Variants in RABGAP1L observed in about 807,000 individuals in gnomAD.
RABGAP1L encodes the protein RAB GTPase activating protein 1 like, also known as rab GTPase-activating protein 1-like.
In RABGAP1L, 63 loss-of-function variants were observed where a neutral mutation model predicts 137.7. The ratio of observed to expected loss-of-function variants is 0.46; its 90% CI spans 0.37 to 0.56. RABGAP1L has a LOEUF of 0.56. RABGAP1L is among the 20% of genes least tolerant of loss of function. The pLI is 0.00. For missense variants in RABGAP1L, 1,095 were observed against 1,244.0 expected, an observed-to-expected ratio of 0.88 and a Z score of 1.80; for synonymous variants, 431 against 433.7, an observed-to-expected ratio of 0.99 and a Z score of 0.08.
intron 13 of RABGAP1L, among the ~76,000 whole-genome samples, chr1:174,633,669 G>C (rs28878468): frequency 0.23 from 18,225 of 79,638 alleles, 3,398 homozygotes; most frequent in African/African-American, 0.53. Flanking sequence ...CAGCATGGTA[G>C]TGGTACCAAA....
At chr1:174,772,567 C>CAAAAAA (rs60690186) in intron 18 of RABGAP1L, among the ~76,000 whole-genome samples, 16 of 53,062 alleles carry the variant, frequency 3.0e-4, no homozygotes, top group Admixed American at 8.2e-4. Context: ...GACTCCATCT[C>CAAAAAA]AAAAAAAAAA....
intron 13 of RABGAP1L, among the ~76,000 whole-genome samples, chr1:174,441,685 G>A (rs1259612419): frequency 6.6e-6 from 1 of 152,116 alleles, no homozygotes; most frequent in African/African-American, 2.4e-5. Flanking sequence ...AGTGAGCCGA[G>A]ATCATGCTAT....
chr1:174,964,986 G>A, intron 20 of RABGAP1L: 1 of 1,485,192 alleles, frequency 6.7e-7, no homozygotes, highest in Non-Finnish European at 9.0e-7. Context: ...TTTTGAGGAG[G>A]TAAGTTTTTT....
intron 13 of RABGAP1L, among the ~76,000 whole-genome samples, chr1:174,588,125 A>G (rs201055766): frequency 2.0e-5 from 3 of 151,792 alleles, no homozygotes; most frequent in East Asian, 1.9e-4. Context: ...CTCGGCTTCC[A>G]AAAGTGCTGG....
At chr1:174,471,716 A>T (rs1657956899) in intron 13 of RABGAP1L, among the ~76,000 whole-genome samples, 1 of 152,142 alleles carries the variant, frequency 6.6e-6, no homozygotes, top group Admixed American at 6.5e-5. Flanking sequence ...TTCTCTTAGG[A>T]ATCTTACTTA....
At chr1:174,683,655 C>A in intron 15 of RABGAP1L, 59 bp downstream of exon 15, 1 of 1,334,776 alleles carries the variant, frequency 7.5e-7, no homozygotes, top group East Asian at 2.3e-5. Context: ...TTACTTTCTA[C>A]TGGCTTTGTT....
chr1:174,259,440 A>G (rs979822197), intron 7 of RABGAP1L, among the ~76,000 whole-genome samples: 3 of 152,232 alleles, frequency 2.0e-5, no homozygotes, highest in Non-Finnish European at 2.9e-5. Flanking sequence ...CTATAAAATT[A>G]CTTTTTAACT....
rs932925986 is a variant in RABGAP1L, at chr1:174,994,262, T to G, written c.*4261T>G. 7.6e-5 allele frequency: 11 copies of G among 145,032 alleles called. No homozygotes were observed. Among genetic ancestry groups the G allele is most frequent in the African/African-American group, 3.2e-4 (11 of 34,420 alleles). The allele number at this position is 145,032 out of a possible 1,614,324, so 9.0% of individuals were successfully genotyped here. A position where few individuals can be genotyped will look rare whatever the true frequency, so the allele number is the denominator to read the frequency against. On this transcript the variant is annotated 3_prime_UTR_variant, in exon 26 of 26. Coordinates refer to ENST00000681986, the MANE Select transcript of RABGAP1L (RefSeq NM_001366446.1). ...CTCAATAGGAGATGCTGATCTTGAG[T>G]TGTAATGAGAAAAGTGGGCATATAG...
intron 1 of RABGAP1L, among the ~76,000 whole-genome samples, chr1:174,170,159 C>G (rs1345357337): frequency 6.6e-6 from 1 of 152,112 alleles, no homozygotes; most frequent in African/African-American, 2.4e-5. Context: ...TGATCTAGTG[C>G]TGCTGTGAAA....
At chr1:174,889,599 G>T (rs1347032657) in intron 19 of RABGAP1L, among the ~76,000 whole-genome samples, 3 of 150,530 alleles carry the variant, frequency 2.0e-5, no homozygotes, top group Admixed American at 2.0e-4. Flanking sequence ...TTTTTTGTTT[G>T]TTTTTTTTTG....
At chr1:174,862,872 G>A (rs192465895) in intron 19 of RABGAP1L, among the ~76,000 whole-genome samples, 56 of 151,338 alleles carry the variant, frequency 3.7e-4, no homozygotes. Flanking sequence ...GTATTTCTTC[G>A]GATTTCTGCA....
rs777151304 is a variant in RABGAP1L, at chr1:174,587,432, T to G, written c.1711-49943T>G. 1.2e-3 allele frequency among the ~76,000 whole-genome samples: 167 copies of G among 144,384 alleles called. 2 individuals are homozygous for G. The highest frequency in any genetic ancestry group is 2.1e-3 in the Admixed American group (30 of 14,466). 94.7% of individuals were successfully genotyped at this position (144,384 alleles called of 152,430 possible). On this transcript the variant is annotated intron_variant, in intron 13 of 25. Coordinates refer to ENST00000681986, the MANE Select transcript of RABGAP1L (RefSeq NM_001366446.1). The stretch of plus-strand genomic sequence containing the variant: ...ACATTGTGCACATGTACCCTAAAAC[T>G]TAAAGTATAATAATAATAAATAAAA...
intron 19 of RABGAP1L, among the ~76,000 whole-genome samples, chr1:174,872,485 T>A (rs1652364026): frequency 6.6e-6 from 1 of 152,088 alleles, no homozygotes; most frequent in South Asian, 2.1e-4. Context: ...CTGCTAAGAG[T>A]AGATAGAAAC....
At chr1:174,640,978 TA>T (rs200035295) in intron 14 of RABGAP1L, among the ~76,000 whole-genome samples, 4,426 of 89,966 alleles carry the variant, frequency 0.049, 94 homozygotes, top group Non-Finnish European at 0.056. Flanking sequence ...TTATATTAAT[TA>T]AATATAATTT....
At chr1:174,611,822 T>C (rs1671281424) in intron 13 of RABGAP1L, among the ~76,000 whole-genome samples, 1 of 152,224 alleles carries the variant, frequency 6.6e-6, no homozygotes, top group Non-Finnish European at 1.5e-5. Context: ...GAAGCAATTG[T>C]GAATGGGAGT....
intron 14 of RABGAP1L, among the ~76,000 whole-genome samples, chr1:174,678,516 T>G (rs945736568): frequency 6.6e-6 from 1 of 151,944 alleles, no homozygotes; most frequent in Non-Finnish European, 1.5e-5. Flanking sequence ...TAAAGGATAA[T>G]AACTCTTGAC....
At chr1:174,873,767 C>T (rs1652601628) in intron 19 of RABGAP1L, among the ~76,000 whole-genome samples, 1 of 152,086 alleles carries the variant, frequency 6.6e-6, no homozygotes, top group South Asian at 2.1e-4. Context: ...CCTCGTCCTC[C>T]TAAAGTGCTG....
chr1:174,713,462 A>G (rs1025314726), intron 17 of RABGAP1L, among the ~76,000 whole-genome samples: 3 of 152,212 alleles, frequency 2.0e-5, no homozygotes, highest in Non-Finnish European at 4.4e-5. Flanking sequence ...CAGATCTTTC[A>G]TGAATGGTTT....
At chr1:174,877,554 C>G (rs577874542) in intron 19 of RABGAP1L, 4 of 1,613,940 alleles carry the variant, frequency 2.5e-6, no homozygotes, top group East Asian at 4.5e-5. Context: ...GCCAGCTGCA[C>G]GATGAAGACT....
Sources: gnomAD v4.1 joint callset for allele counts (sites outside exome capture counted in the v4.1 genomes callset) on GRCh38, gnomAD v4.1.1 for gene constraint, MANE v1.5 for transcripts, NCBI Gene and HGNC (gene_info 2026-07-23, HGNC 2026-07-21) for gene names.